REST: variants seen among roughly 807,000 people sequenced by gnomAD.
REST encodes the protein RE1 silencing transcription factor, also known as RE1-silencing transcription factor.
REST carries 1 observed loss-of-function variant against 30.4 expected under a neutral mutation model. That is an observed-to-expected ratio of 0.03 (90% CI 0.01 to 0.16). REST has a LOEUF of 0.16. Among genes scored for constraint, REST ranks in the 10% least tolerant of loss-of-function variants. The pLI, the probability that REST is intolerant of heterozygous loss-of-function variation, is 1.00. For missense variants in REST, 1,259 were observed against 1,329.5 expected (o/e 0.95, Z 0.82); for synonymous variants, 504 against 451.1 (o/e 1.12, Z -1.49).
rs1719704889 is a variant in REST at position 56,908,152 on chromosome 4, A to C, written c.-71A>C. The C allele has an allele frequency of 4.1e-6, 1 of 246,348 alleles. No individual in the cohort carries two copies. The highest frequency in any genetic ancestry group is 6.5e-5 in the East Asian group (1 of 15,498). The allele number at this position is 246,348 out of a possible 1,614,324, so 15.3% of individuals were successfully genotyped here. ...TCCCCCGAAACTCCAGCAACAAAGA[A>C]AAGTAGTCGGAGAAGGAGCGGCGAC... On this transcript the variant is annotated 5_prime_UTR_variant, in exon 1 of 4. Transcript: ENST00000309042.
chr4:56,930,343 A>G lies in REST; in HGVS notation c.1485A>G (p.Ser495=). The G allele has an allele frequency of 6.2e-7, 1 of 1,614,176 alleles. No individual in the cohort carries two copies. Among genetic ancestry groups the G allele is most frequent in the Non-Finnish European group, 8.5e-7 (1 of 1,180,034 alleles). ...VIQVTTRTRK[S]VTEVKEMDVH... ...AGGTGACTACCAGAACTCGAAAATC[A>G]GTAACAGAGGTGAAAGAGATGGATG... The change falls in exon 4 of 4, where the codon TCA becomes TCG. Residue 495 remains serine, a synonymous_variant. Transcript: ENST00000309042.
At chr4:56,923,524 A>G (rs1207888606) in intron 3 of REST, among the ~76,000 whole-genome samples, 1 of 152,000 alleles carries the variant, frequency 6.6e-6, no homozygotes, top group Non-Finnish European at 1.5e-5. Context: ...GCTCACTGCA[A>G]CTTCTACCTC....
At chr4:56,922,200 A>G (rs1720482760) in intron 3 of REST, 1 of 151,588 alleles carries the variant, frequency 6.6e-6, no homozygotes, top group African/African-American at 2.4e-5. Context: ...TGTGGATGCA[A>G]TTTCAGACTT....
At chr4:56,926,169 C>T (rs1224106462) in intron 3 of REST, among the ~76,000 whole-genome samples, 2 of 152,052 alleles carry the variant, frequency 1.3e-5, no homozygotes, top group Non-Finnish European at 2.9e-5. Context: ...AAGTGATTCT[C>T]CTGCCTCAGC....
intron 2 of REST, among the ~76,000 whole-genome samples, chr4:56,915,208 G>A (rs570261933): frequency 2.3e-4 from 32 of 141,160 alleles, no homozygotes; most frequent in Non-Finnish European, 3.8e-4. Flanking sequence ...GAGCCACCAC[G>A]CCTGGCCAAT....
chr4:56,911,669 C>A, intron 2 of REST, 133 bp downstream of exon 2: 1 of 714,704 alleles, frequency 1.4e-6, no homozygotes, highest in East Asian at 2.6e-5. Flanking sequence ...TGTGACCTTG[C>A]ACAAGTTGTT....
rs147307150 is a variant in REST at position 56,916,855 on chromosome 4, TG to T, written c.899-2931del. Among the ~76,000 whole-genome samples, 1,254 of 152,336 alleles carry T rather than the reference TG, an allele frequency of 8.2e-3. 4 individuals carry two copies. The highest frequency in any genetic ancestry group is 0.012 in the Non-Finnish European group (825 of 68,034). Reference sequence around the variant, plus strand: ...CATGTTTAAGTTTTGTGTGGACGTATGTTTTTGTTTCTTTTGGATATATACC... The same window carrying T: ...CATGTTTAAGTTTTGTGTGGACGTATTTTTTGTTTCTTTTGGATATATACC... On this transcript the variant is annotated intron_variant, in intron 2 of 3. Coordinates refer to ENST00000309042, the MANE Select transcript of REST (RefSeq NM_005612.5).
intron 3 of REST, among the ~76,000 whole-genome samples, chr4:56,929,100 C>T (rs1025821395): frequency 5.4e-4 from 81 of 149,244 alleles, no homozygotes; most frequent in African/African-American, 1.8e-3. Flanking sequence ...GACACAGTCT[C>T]GCTGTCACCT....
At position 56,923,709 on chromosome 4, in the gene REST, T is replaced by C. The variant is rs971542366; in HGVS notation, c.982+3839T>C. ...TCACCGCGCCTGGCTGGAACTATTATTTTTATTTAAATATCGTATTTATTT... is the reference window on the plus strand; with the variant it reads ...TCACCGCGCCTGGCTGGAACTATTACTTTTATTTAAATATCGTATTTATTT... On this transcript the variant is annotated intron_variant, in intron 3 of 3. Coordinates refer to ENST00000309042, the MANE Select transcript of REST (RefSeq NM_005612.5). 2.0e-5 allele frequency among the ~76,000 whole-genome samples: 3 copies of C among 151,318 alleles called. No homozygotes were observed. The Admixed American group carries it at 2.0e-4, about 10-fold the overall frequency.
In REST at chr4:56,911,473, G is replaced by C; in HGVS notation, c.835G>C (p.Gly279Arg). The change falls in exon 2 of 4, where the codon GGA becomes CGA. Residue 279 changes from glycine to arginine, a missense_variant. By Grantham distance (125) the Gly-to-Arg change is moderately radical (BLOSUM62 -2). Transcript: ENST00000309042. ...TTTTCCAAGGAAAGTATACACATGT[G>C]GAAAATGCAACTATTTTTCAGACAG... ...NHFPRKVYTC[G>R]KCNYFSDRKN... 1 of 1,614,066 alleles carries C rather than the reference G, an allele frequency of 6.2e-7. No individual in the cohort carries two copies. The highest frequency in any genetic ancestry group is 8.5e-7 in the Non-Finnish European group (1 of 1,179,990).
chr4:56,911,532 T>C lies in REST; in HGVS notation c.894T>C (p.His298=), dbSNP rs1450858244. 1 of 1,610,814 alleles carries C rather than the reference T, an allele frequency of 6.2e-7. No homozygotes were observed. The change falls in exon 2 of 4, where the codon CAT becomes CAC. Residue 298 remains histidine, a synonymous_variant. Coordinates refer to ENST00000309042, the MANE Select transcript of REST (RefSeq NM_005612.5). ...KNNYVQHVRT[H]TGERPYKCEL... is the part of the protein sequence containing the mutation. ...ATTATGTTCAGCATGTTAGAACTCA[T>C]ACAGGTAAGAGAAGCTTTCTAGTCC...
Position 56,933,761 on chromosome 4 carries a change from G to A in REST, c.*1609G>A, listed in dbSNP as rs1289683743. The A allele has an allele frequency of 6.6e-6, 1 of 152,202 alleles. No individual in the cohort carries two copies. The highest frequency in any genetic ancestry group is 1.5e-5 in the Non-Finnish European group (1 of 68,028). 9.4% of individuals were successfully genotyped at this position (152,202 alleles called of 1,614,324 possible). ...TAGAGGATTTTTCTTACTGATAGCA[G>A]TCATTCATTGCAGTAAAATAAAATA... On this transcript the variant is annotated 3_prime_UTR_variant, in exon 4 of 4. Transcript: ENST00000309042.
chr4:56,914,180 G>A (rs1720067159), intron 2 of REST, among the ~76,000 whole-genome samples: 1 of 152,100 alleles, frequency 6.6e-6, no homozygotes, highest in Non-Finnish European at 1.5e-5. Flanking sequence ...TCTGCCCTTA[G>A]CCTCCCAAAG....
At chr4:56,926,162 T>C (rs1363871937) in intron 3 of REST, among the ~76,000 whole-genome samples, 3 of 151,152 alleles carry the variant, frequency 2.0e-5, no homozygotes, top group Non-Finnish European at 4.4e-5. Context: ...TGGGTTCAAG[T>C]GATTCTCCTG....
rs184253670 is a variant in REST at position 56,915,938 on chromosome 4, A to G, written c.899-3849A>G. Among the ~76,000 whole-genome samples, 118 of 152,308 alleles carry G rather than the reference A, an allele frequency of 7.7e-4. 2 individuals carry two copies. The highest frequency in any genetic ancestry group is 1.2e-3 in the Non-Finnish European group (80 of 68,014). On this transcript the variant is annotated intron_variant, in intron 2 of 3. Coordinates refer to ENST00000309042, the MANE Select transcript of REST (RefSeq NM_005612.5). The stretch of plus-strand genomic sequence containing the variant: ...TGAAGTGATGTTCCCAAGGTCATAT[A>G]CAAGTATCATTTATAGCCGTTCCAC...
Position 56,911,029 on chromosome 4 carries a change from C to T in REST, c.391C>T (p.Pro131Ser). ...GCCTGTATTTGAGGCATCAGGTGCTCCAGATATTTACAGTTCAAATAAAGA... is the reference window on the plus strand; with the variant it reads ...GCCTGTATTTGAGGCATCAGGTGCTTCAGATATTTACAGTTCAAATAAAGA... ...PQPVFEASGA[P>S]DIYSSNKDLP... is the part of the protein sequence containing the mutation. The change falls in exon 2 of 4, where the codon CCA becomes TCA. Residue 131 changes from proline to serine, a missense_variant. By Grantham distance (74) the Pro-to-Ser change is moderately conservative. This residue lies in a region of REST where 249 missense variants were observed against 251.5 expected (regional missense o/e 0.99). Coordinates refer to ENST00000309042, the MANE Select transcript of REST (RefSeq NM_005612.5). 2.5e-6 allele frequency: 4 copies of T among 1,614,146 alleles called. No homozygotes were observed. The highest frequency in any genetic ancestry group is 3.4e-6 in the Non-Finnish European group (4 of 1,180,030).
At position 56,931,995 on chromosome 4, in the gene REST, A is replaced by G. The variant is rs1251981173; in HGVS notation, c.3137A>G (p.Asn1046Ser). 6.2e-7 allele frequency: 1 copy of G among 1,614,228 alleles called. No individual in the cohort carries two copies. The highest frequency in any genetic ancestry group is 8.5e-7 in the Non-Finnish European group (1 of 1,180,038). The change falls in exon 4 of 4, where the codon AAT (asparagine) becomes AGT (serine). Residue 1046 changes from asparagine to serine, a missense_variant. By Grantham distance (46) the Asn-to-Ser change is conservative. Transcript: ENST00000309042. ...RPVPQESSRK[N>S]AKEALAVKAA... The stretch of plus-strand genomic sequence containing the variant: ...GTTCCACAAGAATCTAGCAGAAAAA[A>G]TGCAAAGGAAGCCTTGGCAGTCAAA...
rs761977824 is a variant in REST, at chr4:56,931,024, G to A, written c.2166G>A (p.Gln722=). The change falls in exon 4 of 4, where the codon CAG becomes CAA. Residue 722 remains glutamine (Q), a synonymous_variant. Transcript: ENST00000309042. ...EVAQVESAPM[Q]VVQKEPVQME... The stretch of plus-strand genomic sequence containing the variant: ...CCCAGGTAGAATCTGCTCCCATGCA[G>A]GTGGTCCAGAAGGAGCCTGTTCAGA... 3 of 1,614,238 alleles carry A rather than the reference G, an allele frequency of 1.9e-6. No individual in the cohort carries two copies. In the South Asian group the frequency reaches 3.3e-5, roughly 18 times the overall value.
At chr4:56,916,333 G>T (rs571882979) in intron 2 of REST, among the ~76,000 whole-genome samples, 1 of 152,308 alleles carries the variant, frequency 6.6e-6, no homozygotes, top group East Asian at 1.9e-4. Flanking sequence ...TGCCTAGTTT[G>T]TGGAATTACA....
Sources: gnomAD v4.1 joint callset for allele counts (sites outside exome capture counted in the v4.1 genomes callset) on GRCh38, gnomAD v4.1.1 for gene constraint, gnomAD v4.1.1 regional missense constraint, MANE v1.5 for transcripts, NCBI Gene and HGNC (gene_info 2026-07-23, HGNC 2026-07-21) for gene names.